DAGLB: variants seen among roughly 807,000 people sequenced by gnomAD.
DAGLB encodes the protein diacylglycerol lipase-beta.
DAGLB carries 66 observed loss-of-function variants against 72.1 expected under a neutral mutation model. The ratio of observed to expected loss-of-function variants is 0.92; its 90% CI spans 0.75 to 1.12. The LOEUF (loss-of-function observed/expected upper bound fraction) is 1.12. DAGLB is among the 50% of genes most tolerant of loss of function. The pLI is 0.00. For synonymous variants in DAGLB, 414 were observed against 359.5 expected (o/e 1.15, Z -1.71); for missense variants, 1,065 against 884.9 (o/e 1.20, Z -2.58).
intron 1 of DAGLB, among the ~76,000 whole-genome samples, chr7:6,446,370 C>G (rs541969922): frequency 2.1e-4 from 30 of 145,498 alleles, no homozygotes; most frequent in African/African-American, 6.8e-4. Flanking sequence ...CCCAGCTACT[C>G]GAGAGGCTGA....
chr7:6,421,922 T>C, intron 8 of DAGLB, 118 bp from the exon 9 acceptor site: 1 of 1,144,460 alleles, frequency 8.7e-7, no homozygotes, highest in Non-Finnish European at 1.3e-6. Context: ...CACCATCTCC[T>C]AGTTCGGTCC....
chr7:6,410,085 C>CGCGCT, intron 14 of DAGLB, 45 bp downstream of exon 14: 1 of 1,586,126 alleles, frequency 6.3e-7, no homozygotes, highest in Non-Finnish European at 8.6e-7. Context: ...GGGCTGACCC[C>CGCGCT]GCGCTGCTCC....
At chr7:6,431,129 A>G (rs371219511) in intron 5 of DAGLB, among the ~76,000 whole-genome samples, 2 of 151,246 alleles carry the variant, frequency 1.3e-5, no homozygotes, top group East Asian at 1.9e-4. Flanking sequence ...ACAGTAAAAA[A>G]CACTCCAATG....
In DAGLB at chr7:6,430,266, T is replaced by TAC. The variant is rs1465578855; in HGVS notation, c.929+213_929+214insGT. 1.7e-5 allele frequency among the ~76,000 whole-genome samples: 2 copies of TAC among 118,642 alleles called. 1 individual carries two copies. The highest frequency in any genetic ancestry group is 3.4e-5 in the Non-Finnish European group (2 of 58,694). 77.8% of individuals were successfully genotyped at this position (118,642 alleles called of 152,430 possible). ...ATACATGTGCATATATATATATATA[T>TAC]ATATATATATATATATGCAGGGGGG... On this transcript the variant is annotated intron_variant, in intron 6 of 14. Transcript: ENST00000297056.
chr7:6,447,107 G>A (rs912024726), intron 1 of DAGLB, among the ~76,000 whole-genome samples: 1 of 152,210 alleles, frequency 6.6e-6, no homozygotes, highest in South Asian at 2.1e-4. Context: ...TCAATGTGCT[G>A]AGATAACAGG....
chr7:6,416,608 C>A lies in DAGLB; in HGVS notation c.1427+19G>T, dbSNP rs754337772. On this transcript the variant is annotated intron_variant, in intron 11 of 14. Transcript: ENST00000297056. ...ACTTGTAAGTAGCAAGCTGTTAGAG[C>A]AGGAAAACAAAGGCTCACCTCCACA... 3 of 1,577,958 alleles carry A rather than the reference C, an allele frequency of 1.9e-6. No homozygotes were observed. Among genetic ancestry groups the A allele is most frequent in the South Asian group, 1.1e-5 (1 of 87,392 alleles).
chr7:6,433,137 GT>G (rs1300879949), intron 4 of DAGLB, among the ~76,000 whole-genome samples, 178 bp from the exon 5 acceptor site: 1 of 152,208 alleles, frequency 6.6e-6, no homozygotes, highest in Non-Finnish European at 1.5e-5. Flanking sequence ...ACCTGAATAT[GT>G]TTTCACATCC....
Position 6,424,764 on chromosome 7 carries a change from G to A in DAGLB, c.1128C>T (p.Thr376=). Residue 376 remains threonine, a synonymous_variant, in exon 8 of 15, where the codon ACC becomes ACT. Transcript: ENST00000297056. ...GTTCCAACGTTACCTGCAGAGACAT[G>A]GTCCCCCTCACAGCGACCACAACAG... ...KESVVVAVRG[T]MSLQDVLTDL... is the part of the protein sequence containing the mutation. 6.2e-7 allele frequency: 1 copy of A among 1,613,702 alleles called. No individual in the cohort carries two copies. The highest frequency in any genetic ancestry group is 8.5e-7 in the Non-Finnish European group (1 of 1,179,852).
At position 6,410,400 on chromosome 7, in the gene DAGLB, A is replaced by G. The variant is rs760256582; in HGVS notation, c.1570-20T>C. 3.2e-6 allele frequency: 5 copies of G among 1,582,126 alleles called. No homozygotes were observed. Among genetic ancestry groups the G allele is most frequent in the African/African-American group, 1.4e-5 (1 of 73,652 alleles). On this transcript the variant is annotated intron_variant, in intron 13 of 14. Coordinates refer to ENST00000297056, the MANE Select transcript of DAGLB (RefSeq NM_139179.4). ...CTTGTACTGAGGGCGAGACCCAATCAGTAGAATGCTGTCACTCACCCTCTG... is the reference window on the plus strand; with the variant it reads ...CTTGTACTGAGGGCGAGACCCAATCGGTAGAATGCTGTCACTCACCCTCTG...
intron 13 of DAGLB, among the ~76,000 whole-genome samples, chr7:6,410,870 AAT>A (rs1783699795): frequency 6.8e-6 from 1 of 146,862 alleles, no homozygotes; most frequent in African/African-American, 2.5e-5. Context: ...ATGCCCGGCT[AAT>A]TTTTTGTATT....
chr7:6,444,627 G>C (rs950476676), intron 2 of DAGLB, among the ~76,000 whole-genome samples: 6 of 151,754 alleles, frequency 4.0e-5, no homozygotes, highest in African/African-American at 1.5e-4. Flanking sequence ...AAAATAAAAG[G>C]ATCAATAGCC....
At chr7:6,439,121 G>C (rs1784749769) in intron 2 of DAGLB, among the ~76,000 whole-genome samples, 1 of 151,922 alleles carries the variant, frequency 6.6e-6, no homozygotes, top group Admixed American at 6.6e-5. Flanking sequence ...CAGGCATGGT[G>C]GTGTGCTCAT....
chr7:6,410,880 A>ATTTTTTTTTT (rs35960882), intron 13 of DAGLB, among the ~76,000 whole-genome samples: 143 of 98,128 alleles, frequency 1.5e-3, no homozygotes, highest in Non-Finnish European at 2.2e-3. Flanking sequence ...AATTTTTTGT[A>ATTTTTTTTTT]TTTTTTTTTT....
chr7:6,441,940 G>C (rs893875367), intron 2 of DAGLB, among the ~76,000 whole-genome samples: 1 of 152,076 alleles, frequency 6.6e-6, no homozygotes, highest in Non-Finnish European at 1.5e-5. Flanking sequence ...ACCGAGACAA[G>C]CCTCCATCTC....
At chr7:6,433,204 T>G (rs1284213486) in intron 4 of DAGLB, among the ~76,000 whole-genome samples, 3 of 152,212 alleles carry the variant, frequency 2.0e-5, no homozygotes, top group Non-Finnish European at 4.4e-5. Flanking sequence ...TGTCTTAAAA[T>G]TTCACTTCAT....
intron 9 of DAGLB, 97 bp from the exon 10 acceptor site, chr7:6,417,018 G>T: frequency 7.3e-7 from 1 of 1,366,724 alleles, no homozygotes; most frequent in Non-Finnish European, 1.0e-6. Context: ...TGATGTGTGA[G>T]TCTCTCCTGG....
rs1448038963 is a variant in DAGLB, at chr7:6,409,754, C to T, written c.*83G>A. The stretch of plus-strand genomic sequence containing the variant: ...TGATGGACATTCGCTGTTTTGGCGT[C>T]ATGGGAACTCCTCGGATGGTAAGTC... On this transcript the variant is annotated 3_prime_UTR_variant, in exon 15 of 15. Transcript: ENST00000297056. 2 of 1,471,690 alleles carry T rather than the reference C, an allele frequency of 1.4e-6. No homozygotes were observed. The highest frequency in any genetic ancestry group is 1.8e-6 in the Non-Finnish European group (2 of 1,088,772). The allele number at this position is 1,471,690 out of a possible 1,614,324, so 91.2% of individuals were successfully genotyped here.
chr7:6,446,216 C>T (rs990006451), intron 1 of DAGLB, 112 bp from the exon 2 acceptor site: 23 of 1,123,124 alleles, frequency 2.0e-5, no homozygotes, highest in African/African-American at 1.3e-4. Context: ...CACCTGTAAT[C>T]ACAGCACTTT....
At chr7:6,421,863 GA>G in intron 8 of DAGLB, 59 bp from the exon 9 acceptor site, 1 of 1,569,572 alleles carries the variant, frequency 6.4e-7, no homozygotes, top group Non-Finnish European at 8.7e-7. Context: ...GTGGGAGAAT[GA>G]CAGGTGGTCC....
Sources: gnomAD v4.1 joint callset for allele counts (sites outside exome capture counted in the v4.1 genomes callset) on GRCh38, gnomAD v4.1.1 for gene constraint, MANE v1.5 for transcripts, NCBI Gene and HGNC (gene_info 2026-07-23, HGNC 2026-07-21) for gene names.